The following SERINC5 variants were observed in gnomAD, a reference collection of about 807,000 sequenced individuals.
SERINC5 encodes serine incorporator 5, also known as chromosome 5 open reading frame 12.
Under a neutral mutation model 63.1 loss-of-function variants are expected in SERINC5, and 41 were observed. That is an observed-to-expected ratio of 0.65 (90% CI 0.51 to 0.84). SERINC5 has a LOEUF of 0.84. Among genes scored for constraint, SERINC5 ranks in the 40% least tolerant of loss-of-function variants. The pLI is 0.00. For missense variants in SERINC5, 523 were observed against 573.0 expected, an observed-to-expected ratio of 0.91 and a Z score of 0.89; for synonymous variants, 222 against 215.2, an observed-to-expected ratio of 1.03 and a Z score of -0.28.
intron 1 of SERINC5, among the ~76,000 whole-genome samples, chr5:80,221,933 G>C (rs1215519800): frequency 6.6e-6 from 1 of 152,060 alleles, no homozygotes; most frequent in Non-Finnish European, 1.5e-5. Context: ...GGTCTCTTGA[G>C]CCCAGGAGTT....
At chr5:80,233,835 A>C (rs62364032) in intron 1 of SERINC5, among the ~76,000 whole-genome samples, 16,758 of 121,950 alleles carry the variant, frequency 0.14, 1,436 homozygotes, top group East Asian at 0.25. Context: ...TTTTTGAGAC[A>C]GAGTCTCACT....
chr5:80,146,702 CA>C (rs1013094287), intron 10 of SERINC5, among the ~76,000 whole-genome samples: 4 of 152,100 alleles, frequency 2.6e-5, no homozygotes, highest in Non-Finnish European at 5.9e-5. Flanking sequence ...GTGATCCACC[CA>C]CCTCAGCCTC....
At chr5:80,211,457 T>C (rs180864591) in intron 1 of SERINC5, among the ~76,000 whole-genome samples, 6 of 152,328 alleles carry the variant, frequency 3.9e-5, no homozygotes, top group Non-Finnish European at 1.5e-5. Flanking sequence ...TTAATGACTA[T>C]GCCTCTATCA....
chr5:80,124,913 T>TC (rs1395132665), intron 11 of SERINC5, among the ~76,000 whole-genome samples: 7 of 152,054 alleles, frequency 4.6e-5, no homozygotes, highest in Non-Finnish European at 1.0e-4. Context: ...CAGAAGCCCA[T>TC]CCCTGTCACT....
intron 7 of SERINC5, 59 bp downstream of exon 7, chr5:80,166,324 T>C: frequency 8.8e-7 from 1 of 1,140,652 alleles, no homozygotes; most frequent in Non-Finnish European, 1.3e-6. Flanking sequence ...AATAGCTCAT[T>C]CCTCCATGAA....
intron 1 of SERINC5, among the ~76,000 whole-genome samples, chr5:80,222,569 A>AGTGTGTGTGTGTGTGTGT (rs1014120974): frequency 1.5e-5 from 2 of 132,072 alleles, no homozygotes; most frequent in East Asian, 2.0e-4. Context: ...TGAGTGTGTG[A>AGTGTGTGTGTGTGTGTGT]GTGTGTGTGT....
At chr5:80,209,383 G>A (rs1274232556) in intron 1 of SERINC5, among the ~76,000 whole-genome samples, 1 of 152,178 alleles carries the variant, frequency 6.6e-6, no homozygotes, top group African/African-American at 2.4e-5. Flanking sequence ...ACAACACGGT[G>A]GCCATGTACA....
downstream of SERINC5, among the ~76,000 whole-genome samples, chr5:80,138,467 A>G (rs1745305138): frequency 6.6e-6 from 1 of 152,028 alleles, no homozygotes; most frequent in Non-Finnish European, 1.5e-5. Context: ...ATGATAGCAC[A>G]TGCCTGTAAT....
chr5:80,232,070 C>T (rs1289858777), intron 1 of SERINC5, among the ~76,000 whole-genome samples: 15 of 148,402 alleles, frequency 1.0e-4, no homozygotes, highest in African/African-American at 3.8e-4. Context: ...CCACCACACT[C>T]CACCCTGAGA....
downstream of SERINC5, among the ~76,000 whole-genome samples, chr5:80,134,182 T>C (rs1391087706): frequency 6.6e-6 from 1 of 152,144 alleles, no homozygotes; most frequent in African/African-American, 2.4e-5. Context: ...TGGTACCATC[T>C]TTGTTTCAAA....
At chr5:80,197,357 G>C (rs1580152579) in intron 2 of SERINC5, among the ~76,000 whole-genome samples, 1 of 58,416 alleles carries the variant, frequency 1.7e-5, no homozygotes, top group African/African-American at 6.8e-5. Context: ...GAGAGAGAGA[G>C]AGAGAGAACG....
Position 80,178,049 on chromosome 5 carries a change from C to G in SERINC5, c.211G>C (p.Asp71His), listed in dbSNP as rs760075927. Residue 71 changes from aspartate (D) to histidine (H), a missense_variant, in exon 3 of 12, where the codon GAT becomes CAT. Coordinates refer to ENST00000507668, the MANE Select transcript of SERINC5 (RefSeq NM_001174072.3). The stretch of plus-strand genomic sequence containing the variant: ...CCAGCTTTAATGCCTTTACACATAT[C>G]TTCAAAAAAAGGAATCTGAGGAGAA... ...KMKEHIPFFE[D>H]MCKGIKAGDT... is the part of the protein sequence containing the mutation. 1.3e-6 allele frequency: 2 copies of G among 1,593,218 alleles called. No homozygotes were observed. Among genetic ancestry groups the G allele is most frequent in the African/African-American group, 2.7e-5 (2 of 73,562 alleles).
At chr5:80,195,081 G>T (rs538349538) in intron 2 of SERINC5, among the ~76,000 whole-genome samples, 11 of 152,238 alleles carry the variant, frequency 7.2e-5, no homozygotes, top group African/African-American at 2.4e-4. Context: ...GAGGTCAGGA[G>T]TTCGAGACCA....
At chr5:80,186,488 CA>C (rs1748819661) in intron 2 of SERINC5, among the ~76,000 whole-genome samples, 1 of 152,042 alleles carries the variant, frequency 6.6e-6, no homozygotes, top group South Asian at 2.1e-4. Context: ...AACTGAGGTC[CA>C]AAAAATAGCA....
chr5:80,221,792 C>CA (rs34503587), intron 1 of SERINC5, among the ~76,000 whole-genome samples: 66,600 of 137,088 alleles, frequency 0.49, 15,325 homozygotes, highest in African/African-American at 0.56. Flanking sequence ...ACAACTTTAG[C>CA]AAAAAAAAAA....
intron 1 of SERINC5, among the ~76,000 whole-genome samples, chr5:80,244,187 C>T (rs1752065433): frequency 6.6e-6 from 1 of 151,836 alleles, no homozygotes; most frequent in Non-Finnish European, 1.5e-5. Context: ...CTTCTGCTGC[C>T]TGGAAACTGA....
At chr5:80,209,809 A>G (rs1458643024) in intron 1 of SERINC5, among the ~76,000 whole-genome samples, 1 of 152,148 alleles carries the variant, frequency 6.6e-6, no homozygotes, top group Non-Finnish European at 1.5e-5. Context: ...GGAGGCACCC[A>G]GCACTGGGTA....
At chr5:80,205,674 G>A (rs1280023084) in intron 1 of SERINC5, among the ~76,000 whole-genome samples, 1 of 152,152 alleles carries the variant, frequency 6.6e-6, no homozygotes, top group Non-Finnish European at 1.5e-5. Context: ...GGTAATAGAG[G>A]ATGGTGATTA....
At chr5:80,169,640 T>A in intron 5 of SERINC5, 94 bp from the exon 6 acceptor site, 1 of 925,804 alleles carries the variant, frequency 1.1e-6, no homozygotes, top group Non-Finnish European at 1.7e-6. Flanking sequence ...CCTCAGGCAG[T>A]AACTAATGCT....
Sources: allele counts gnomAD v4.1 joint callset (sites outside exome capture counted in the v4.1 genomes callset), GRCh38; gene constraint gnomAD v4.1.1; transcripts MANE v1.5; gene names NCBI Gene and HGNC (gene_info 2026-07-23, HGNC 2026-07-21).